CENPW: variants seen among roughly 807,000 people sequenced by gnomAD.
CENPW encodes cancer-up-regulated gene 2 protein.
Under a neutral mutation model 11.1 loss-of-function variants are expected in CENPW, and 3 were observed. That is an observed-to-expected ratio of 0.27 (90% CI 0.12 to 0.70). The LOEUF (loss-of-function observed/expected upper bound fraction) is 0.70. Among genes scored for constraint, CENPW ranks in the 30% least tolerant of loss-of-function variants. The probability of loss-of-function intolerance (pLI) is 0.77; values close to 1 mark genes in which losing one functional copy is unlikely to be tolerated. For missense variants in CENPW, 100 were observed against 105.6 expected (o/e 0.95, Z 0.23); for synonymous variants, 38 against 42.0 (o/e 0.91, Z 0.37).
the CENPW span, among the ~76,000 whole-genome samples, chr6:126,430,294 TGG>T: frequency 1.3e-5 from 2 of 152,246 alleles, no homozygotes; most frequent in African/African-American, 4.8e-5. Flanking sequence ...AAACACAATT[TGG>T]CTTTATAACT....
At chr6:126,359,558 G>A in the CENPW span, among the ~76,000 whole-genome samples, 2 of 152,090 alleles carry the variant, frequency 1.3e-5, no homozygotes, top group Non-Finnish European at 2.9e-5. Context: ...GTCTGTCTAA[G>A]TTTTTTCCTA....
chr6:126,404,867 T>A, the CENPW span, among the ~76,000 whole-genome samples: 1 of 151,774 alleles, frequency 6.6e-6, no homozygotes, highest in African/African-American at 2.4e-5. Flanking sequence ...TTTTTTTTTT[T>A]TTGGGTTACT....
At chr6:126,358,523 A>G in the CENPW span, among the ~76,000 whole-genome samples, 3 of 152,200 alleles carry the variant, frequency 2.0e-5, no homozygotes, top group African/African-American at 7.2e-5. Context: ...TGATGTACAT[A>G]TATTGAGTCA....
chr6:126,372,789 C>T, the CENPW span, among the ~76,000 whole-genome samples: 7 of 152,170 alleles, frequency 4.6e-5, no homozygotes, highest in Admixed American at 2.0e-4. Context: ...CAGAAAAAAA[C>T]AGCAATAAAC....
the CENPW span, among the ~76,000 whole-genome samples, chr6:126,365,318 G>A: frequency 2.0e-5 from 3 of 152,204 alleles, no homozygotes; most frequent in Non-Finnish European, 4.4e-5. Context: ...CTGAAACTGG[G>A]TAATTTATAA....
At chr6:126,464,334 G>C in the CENPW span, among the ~76,000 whole-genome samples, 1 of 152,078 alleles carries the variant, frequency 6.6e-6, no homozygotes, top group Non-Finnish European at 1.5e-5. Flanking sequence ...ATCTGATAGA[G>C]GGTACTGTGA....
the CENPW span, among the ~76,000 whole-genome samples, chr6:126,429,715 T>C: frequency 6.6e-6 from 1 of 152,344 alleles, no homozygotes. Context: ...TTTGCATTTC[T>C]TTGCTATCCA....
the CENPW span, among the ~76,000 whole-genome samples, chr6:126,458,926 A>G: frequency 4.6e-5 from 7 of 151,340 alleles, no homozygotes; most frequent in African/African-American, 1.7e-4. Flanking sequence ...TATTTTCCTT[A>G]CCTGTGTGAA....
intron 2 of CENPW, among the ~76,000 whole-genome samples, 198 bp downstream of exon 2, chr6:126,346,516 T>C (rs1384013966): frequency 1.3e-5 from 2 of 152,210 alleles, no homozygotes; most frequent in African/African-American, 4.8e-5. Flanking sequence ...GTAATATTAA[T>C]GGCCACTGCT....
At chr6:126,416,508 C>T in the CENPW span, among the ~76,000 whole-genome samples, 1 of 152,206 alleles carries the variant, frequency 6.6e-6, no homozygotes, top group Admixed American at 6.5e-5. Context: ...CAGAGGCCTT[C>T]ATGGCAGCCC....
At chr6:126,465,937 A>G in the CENPW span, among the ~76,000 whole-genome samples, 3 of 152,148 alleles carry the variant, frequency 2.0e-5, no homozygotes, top group African/African-American at 7.2e-5. Flanking sequence ...CTGAAAATCA[A>G]TCATACACCT....
At chr6:126,392,552 A>G in the CENPW span, among the ~76,000 whole-genome samples, 9 of 152,144 alleles carry the variant, frequency 5.9e-5, no homozygotes, top group East Asian at 1.3e-3. Context: ...TTCAGCATCA[A>G]TTGAAATGAT....
chr6:126,371,126 T>C, the CENPW span, among the ~76,000 whole-genome samples: 3 of 152,214 alleles, frequency 2.0e-5, no homozygotes, highest in African/African-American at 7.2e-5. Context: ...CAGTACTATA[T>C]TGAAAAGAAG....
chr6:126,444,988 G>A, the CENPW span, among the ~76,000 whole-genome samples: 1 of 150,898 alleles, frequency 6.6e-6, no homozygotes, highest in African/African-American at 2.4e-5. Flanking sequence ...TTTCTTCTTA[G>A]GTTGGGCACT....
At chr6:126,372,634 T>A in the CENPW span, among the ~76,000 whole-genome samples, 1 of 152,130 alleles carries the variant, frequency 6.6e-6, no homozygotes, top group Non-Finnish European at 1.5e-5. Context: ...GCCCATGAGA[T>A]CATGAAATTG....
At chr6:126,387,708 G>A in the CENPW span, among the ~76,000 whole-genome samples, 21 of 151,934 alleles carry the variant, frequency 1.4e-4, no homozygotes, top group African/African-American at 3.6e-4. Flanking sequence ...TACATAAACC[G>A]CTTTGAGGTT....
the CENPW span, among the ~76,000 whole-genome samples, chr6:126,422,291 A>C: frequency 3.3e-5 from 5 of 152,102 alleles, no homozygotes; most frequent in African/African-American, 1.2e-4. Flanking sequence ...TCTTTTTATT[A>C]GTCAGCTAGG....
At chr6:126,444,270 GA>G in the CENPW span, among the ~76,000 whole-genome samples, 1 of 150,704 alleles carries the variant, frequency 6.6e-6, no homozygotes, top group Non-Finnish European at 1.5e-5. Flanking sequence ...TTTTGGTCTG[GA>G]TTCTATTCTA....
chr6:126,346,261 C>T lies in CENPW; in HGVS notation c.183C>T (p.Asn61=), dbSNP rs370534644. Residue 61 remains asparagine, a synonymous_variant, in exon 2 of 3, where the codon AAC becomes AAT. Coordinates refer to ENST00000368328, the MANE Select transcript of CENPW (RefSeq NM_001012507.4). ...GATTAGCAGAAGAGTCCAGGACAAA[C>T]GCTTGTGCGAGTAAATGTAGAGTCA... ...VHRLAEESRT[N]ACASKCRVIN... 57 of 1,608,710 alleles carry T rather than the reference C, an allele frequency of 3.5e-5. No homozygotes were observed. Among genetic ancestry groups the T allele is most frequent in the Non-Finnish European group, 4.1e-5 (48 of 1,176,002 alleles).
Sources: allele counts gnomAD v4.1 joint callset (sites outside exome capture counted in the v4.1 genomes callset), GRCh38; gene constraint gnomAD v4.1.1; transcripts MANE v1.5; gene names NCBI Gene and HGNC (gene_info 2026-07-23, HGNC 2026-07-21).